The following NPNT variants were observed in gnomAD, a reference collection of about 807,000 sequenced individuals.
The protein encoded by NPNT is nephronectin, also known as preosteoblast EGF-like repeat protein with MAM domain.
NPNT carries 45 observed loss-of-function variants against 68.6 expected under a neutral mutation model. The observed-to-expected ratio is 0.66, with a 90% CI of 0.52 to 0.84. The LOEUF is 0.84. NPNT is among the 40% of genes least tolerant of loss of function. The probability of loss-of-function intolerance (pLI) is 0.00; values close to 1 mark genes in which losing one functional copy is unlikely to be tolerated. For missense variants in NPNT, 672 were observed against 714.8 expected, an observed-to-expected ratio of 0.94 and a Z score of 0.68; for synonymous variants, 233 against 253.3, an observed-to-expected ratio of 0.92 and a Z score of 0.76.
At chr4:105,945,046 C>T (rs192915316) in intron 8 of NPNT, among the ~76,000 whole-genome samples, 2 of 152,178 alleles carry the variant, frequency 1.3e-5, no homozygotes, top group Admixed American at 1.3e-4. Flanking sequence ...TTTAGCTCAC[C>T]TCATTTCATA....
chr4:105,947,227 G>A (rs1044753641), intron 8 of NPNT, among the ~76,000 whole-genome samples: 2 of 152,054 alleles, frequency 1.3e-5, no homozygotes, highest in East Asian at 3.8e-4. Flanking sequence ...CGCTGTTATT[G>A]TGTTCTTTTT....
At chr4:105,912,680 T>A (rs1428749818) in intron 2 of NPNT, 4 of 467,614 alleles carry the variant, frequency 8.6e-6, no homozygotes, top group Non-Finnish European at 1.1e-5. Context: ...GTATGAAATA[T>A]GTTATCAGTT....
rs752719940 is a variant in NPNT at position 105,940,577 on chromosome 4, G to T, written c.704G>T (p.Arg235Leu). The change falls in exon 7 of 12, where the codon CGT becomes CTT. Residue 235 changes from arginine (R) to leucine (L), a missense_variant. Physicochemically the swap from Arg to Leu is moderately radical, Grantham distance 102 (BLOSUM62 -2). Coordinates refer to ENST00000379987, the MANE Select transcript of NPNT (RefSeq NM_001033047.3). ...CSSFARCYNI[R>L]GSYKCKCKEG... ...AGCTTTGCTCGATGTTATAACATAC[G>T]TGGGTCCTACAAGTGCAAATGTAAA... 6.2e-7 allele frequency: 1 copy of T among 1,612,488 alleles called. No individual in the cohort carries two copies. Among genetic ancestry groups the T allele is most frequent in the Non-Finnish European group, 8.5e-7 (1 of 1,178,736 alleles).
intron 3 of NPNT, among the ~76,000 whole-genome samples, chr4:105,936,507 A>G (rs1483918546): frequency 6.6e-6 from 1 of 152,240 alleles, no homozygotes; most frequent in Non-Finnish European, 1.5e-5. Flanking sequence ...AAAGTAAAAT[A>G]TTCTCAAAGT....
chr4:105,941,024 T>G (rs4513575), intron 7 of NPNT, among the ~76,000 whole-genome samples: 138,917 of 151,828 alleles, frequency 0.91, 63,679 homozygotes, highest in East Asian at 1. Context: ...TCTGTTTTAT[T>G]GCTCCTAACT....
At chr4:105,897,795 A>G in intron 1 of NPNT, 106 bp from the exon 2 acceptor site, 2 of 839,890 alleles carry the variant, frequency 2.4e-6, no homozygotes, top group Non-Finnish European at 3.9e-6. Context: ...GAGTTTGTAG[A>G]AAATTGTTGG....
chr4:105,895,559 C>T lies in NPNT; in HGVS notation c.-94C>T. Reference sequence around the variant, plus strand: ...CGGGCGGCGAGGGCTGGGGGTTCCTCGAGACTCTCAGAGGGGCGCCTCCCA... The same window carrying T: ...CGGGCGGCGAGGGCTGGGGGTTCCTTGAGACTCTCAGAGGGGCGCCTCCCA... On this transcript the variant is annotated 5_prime_UTR_variant, in exon 1 of 12. Coordinates refer to ENST00000379987, the MANE Select transcript of NPNT (RefSeq NM_001033047.3). The T allele has an allele frequency of 9.5e-7, 1 of 1,049,904 alleles. No individual in the cohort carries two copies. 65.0% of individuals were successfully genotyped at this position (1,049,904 alleles called of 1,614,324 possible).
chr4:105,954,050 A>G (rs1410776953), intron 8 of NPNT, among the ~76,000 whole-genome samples: 1 of 152,204 alleles, frequency 6.6e-6, no homozygotes, highest in East Asian at 1.9e-4. Flanking sequence ...TATTTGGGAA[A>G]CTTCATTTGT....
At position 105,969,252 on chromosome 4, in the gene NPNT, G is replaced by A. The variant is rs1178162770; in HGVS notation, c.*262G>A. On this transcript the variant is annotated 3_prime_UTR_variant, in exon 12 of 12. Transcript: ENST00000379987. ...TGCCTTCCATCCTGTGTCTCTTTCAGGAAGGCATTCAGCATGCGTGAGCCA... is the reference window on the plus strand; with the variant it reads ...TGCCTTCCATCCTGTGTCTCTTTCAAGAAGGCATTCAGCATGCGTGAGCCA... 5 of 331,304 alleles carry A rather than the reference G, an allele frequency of 1.5e-5. No individual in the cohort carries two copies. Among genetic ancestry groups the A allele is most frequent in the South Asian group, 8.4e-5 (1 of 11,966 alleles). 20.5% of individuals were successfully genotyped at this position (331,304 alleles called of 1,614,324 possible). A position where few individuals can be genotyped will look rare whatever the true frequency, so the allele number is the denominator to read the frequency against.
chr4:105,940,315 G>C, intron 6 of NPNT, 106 bp downstream of exon 6: 1 of 1,231,796 alleles, frequency 8.1e-7, no homozygotes, highest in Admixed American at 1.8e-5. Flanking sequence ...GAGTACTGGC[G>C]TTAAGTTAAA....
chr4:105,958,462 C>G lies in NPNT; in HGVS notation c.1160-9C>G. On this transcript the variant is annotated splice_polypyrimidine_tract_variant and intron_variant, in intron 8 of 11. Transcript: ENST00000379987. ...ACACACACAAAAACTCAAAACCTTT[C>G]TCTTGCAGTTCCACGGCAACCTTCA... The G allele has an allele frequency of 6.3e-7, 1 of 1,585,322 alleles. No individual in the cohort carries two copies. The highest frequency in any genetic ancestry group is 8.7e-7 in the Non-Finnish European group (1 of 1,154,872).
intron 3 of NPNT, chr4:105,929,494 T>A (rs978585246): frequency 1.3e-5 from 2 of 152,248 alleles, no homozygotes; most frequent in Non-Finnish European, 2.9e-5. Flanking sequence ...ATAATCTTTT[T>A]AAATAAGTGA....
Position 105,940,278 on chromosome 4 carries a change from G to T in NPNT, c.640+69G>T. On this transcript the variant is annotated intron_variant, in intron 6 of 11. Coordinates refer to ENST00000379987, the MANE Select transcript of NPNT (RefSeq NM_001033047.3). ...CACTGAAAGGTCTCGTAATTGTGGT[G>T]ATGGCTGGAATGTCAGGGGCAGGGG... 6 of 1,502,952 alleles carry T rather than the reference G, an allele frequency of 4.0e-6. No individual in the cohort carries two copies. In the Admixed American group the frequency reaches 8.4e-5, roughly 21 times the overall value. The allele number at this position is 1,502,952 out of a possible 1,614,324, so 93.1% of individuals were successfully genotyped here. A position where few individuals can be genotyped will look rare whatever the true frequency, so the allele number is the denominator to read the frequency against.
At chr4:105,938,955 A>G (rs781209942) in intron 5 of NPNT, among the ~76,000 whole-genome samples, 1 of 152,164 alleles carries the variant, frequency 6.6e-6, no homozygotes, top group Non-Finnish European at 1.5e-5. Flanking sequence ...TACCACATAG[A>G]ACTGGTAGGA....
chr4:105,923,955 GATCTC>G (rs1308060772), intron 2 of NPNT, among the ~76,000 whole-genome samples: 1 of 151,996 alleles, frequency 6.6e-6, no homozygotes, highest in African/African-American at 2.4e-5. Context: ...CCTTTCTTTT[GATCTC>G]ATCTGCTGTT....
rs1218859502 is a variant in NPNT at position 105,971,156 on chromosome 4, G to A, written c.*2166G>A. On this transcript the variant is annotated 3_prime_UTR_variant, in exon 12 of 12. Coordinates refer to ENST00000379987, the MANE Select transcript of NPNT (RefSeq NM_001033047.3). ...CAGTTCAGAGAGATTTTCATCGGGT[G>A]CATTCTCTCTGCTTCGTGTGTGACA... 8.8e-6 allele frequency: 4 copies of A among 455,750 alleles called. No homozygotes were observed. Among genetic ancestry groups the A allele is most frequent in the East Asian group, 7.0e-5 (1 of 14,384 alleles). The allele number at this position is 455,750 out of a possible 1,614,324, so 28.2% of individuals were successfully genotyped here.
At chr4:105,900,216 C>T (rs1401891841) in intron 2 of NPNT, among the ~76,000 whole-genome samples, 2 of 152,192 alleles carry the variant, frequency 1.3e-5, no homozygotes, top group Admixed American at 1.3e-4. Flanking sequence ...CTCTGGTTCT[C>T]TTCTTTTCTG....
intron 2 of NPNT, among the ~76,000 whole-genome samples, chr4:105,900,252 C>T (rs1003903662): frequency 6.6e-6 from 1 of 152,146 alleles, no homozygotes; most frequent in Non-Finnish European, 1.5e-5. Context: ...AATTTTCCTT[C>T]AAAACAGCAT....
chr4:105,909,595 A>G (rs1377952812), intron 2 of NPNT, among the ~76,000 whole-genome samples: 1 of 152,218 alleles, frequency 6.6e-6, no homozygotes, highest in African/African-American at 2.4e-5. Context: ...CCATGTTGCT[A>G]CTTAACTTGT....
Sources: gnomAD v4.1 joint callset for allele counts (sites outside exome capture counted in the v4.1 genomes callset) on GRCh38, gnomAD v4.1.1 for gene constraint, MANE v1.5 for transcripts, NCBI Gene and HGNC (gene_info 2026-07-23, HGNC 2026-07-21) for gene names.